Variants in ABCA1 observed in about 807,000 individuals in gnomAD.
ABCA1 encodes phospholipid-transporting ATPase ABCA1.
A neutral mutation model predicts 262.5 loss-of-function variants in ABCA1; 133 were observed. That is an observed-to-expected ratio of 0.51 (90% confidence interval 0.44 to 0.59). The LOEUF is 0.59. Among genes scored for constraint, ABCA1 ranks in the 20% least tolerant of loss-of-function variants. The pLI, the probability that ABCA1 is intolerant of heterozygous loss-of-function variation, is 0.00. For missense variants in ABCA1, 2,452 were observed against 2,777.5 expected, an observed-to-expected ratio of 0.88 and a Z score of 2.63; for synonymous variants, 1,022 against 1,043.5, an observed-to-expected ratio of 0.98 and a Z score of 0.40.
At chr9:104,912,384 G>A (rs1321804388) in intron 1 of ABCA1, among the ~76,000 whole-genome samples, 1 of 152,152 alleles carries the variant, frequency 6.6e-6, no homozygotes, top group African/African-American at 2.4e-5. Flanking sequence ...GGGCTACAGT[G>A]CAAGACCCTG....
chr9:104,915,975 C>G (rs1245263788), intron 1 of ABCA1, among the ~76,000 whole-genome samples: 4 of 152,134 alleles, frequency 2.6e-5, no homozygotes, highest in African/African-American at 7.2e-5. Flanking sequence ...ATGGAAGCCA[C>G]TGGAACCAAG....
At chr9:104,901,245 T>C (rs1840645148) in intron 2 of ABCA1, among the ~76,000 whole-genome samples, 1 of 152,174 alleles carries the variant, frequency 6.6e-6, no homozygotes, top group African/African-American at 2.4e-5. Flanking sequence ...GTCACTGTGA[T>C]GGGACAGAAT....
chr9:104,909,877 AG>A (rs1225569488), intron 1 of ABCA1, among the ~76,000 whole-genome samples: 1 of 152,258 alleles, frequency 6.6e-6, no homozygotes, highest in Non-Finnish European at 1.5e-5. Flanking sequence ...CATAGCCAAA[AG>A]AAAAACAGGA....
chr9:104,804,388 G>A (rs777448605), intron 32 of ABCA1, among the ~76,000 whole-genome samples: 3 of 152,212 alleles, frequency 2.0e-5, no homozygotes, highest in East Asian at 3.8e-4. Context: ...AAAATTTGAC[G>A]TTGAATCCAT....
chr9:104,880,318 T>C (rs1165635008), intron 5 of ABCA1, among the ~76,000 whole-genome samples: 1 of 152,034 alleles, frequency 6.6e-6, no homozygotes, highest in Non-Finnish European at 1.5e-5. Flanking sequence ...CTCTCCGAAA[T>C]TGACAAGAGT....
chr9:104,877,702 C>T (rs1375982336), intron 5 of ABCA1, among the ~76,000 whole-genome samples: 1 of 152,246 alleles, frequency 6.6e-6, no homozygotes, highest in East Asian at 1.9e-4. Flanking sequence ...ATTTAATGCT[C>T]AGTGACCCTC....
intron 5 of ABCA1, among the ~76,000 whole-genome samples, chr9:104,873,880 G>A (rs982246374): frequency 1.3e-5 from 2 of 152,154 alleles, no homozygotes; most frequent in East Asian, 3.9e-4. Context: ...ATTATCCAAG[G>A]TTACACAGCT....
intron 15 of ABCA1, among the ~76,000 whole-genome samples, chr9:104,827,516 G>C (rs1832905626): frequency 6.6e-6 from 1 of 152,192 alleles, no homozygotes; most frequent in African/African-American, 2.4e-5. Context: ...CAGAAGAGCT[G>C]TGGGAGATAA....
intron 14 of ABCA1, among the ~76,000 whole-genome samples, chr9:104,829,645 A>G (rs937613586): frequency 3.3e-5 from 5 of 152,142 alleles, no homozygotes; most frequent in South Asian, 2.1e-4. Context: ...CTTGAGGTTC[A>G]CGTCAAAGCT....
chr9:104,849,641 T>C (rs1239948522), intron 7 of ABCA1, among the ~76,000 whole-genome samples: 1 of 152,224 alleles, frequency 6.6e-6, no homozygotes, highest in East Asian at 1.9e-4. Flanking sequence ...AAAACACACA[T>C]GATTCAAATT....
intron 1 of ABCA1, among the ~76,000 whole-genome samples, chr9:104,905,270 G>C (rs770606548): frequency 6.6e-6 from 1 of 152,170 alleles, no homozygotes; most frequent in Non-Finnish European, 1.5e-5. Flanking sequence ...CGCTAGACTA[G>C]AAATCTGTGA....
rs56710442 is a variant in ABCA1 at position 104,896,711 on chromosome 9, C to CTTTTTTTTT, written c.66+6894_66+6902dup. ...AACTCCAAAATTGCTCCCTACACAT[C>CTTTTTTTTT]TTTTTTTTTTTTTTTTTTTTTTTTT... On this transcript the variant is annotated intron_variant, in intron 2 of 49. Coordinates refer to ENST00000374736, the MANE Select transcript of ABCA1 (RefSeq NM_005502.4). Among the ~76,000 whole-genome samples the CTTTTTTTTT allele has an allele frequency of 3.2e-4, 12 of 37,010 alleles. 2 individuals carry two copies. Among genetic ancestry groups the CTTTTTTTTT allele is most frequent in the African/African-American group, 1.1e-3 (10 of 9,462 alleles). 24.3% of individuals were successfully genotyped at this position (37,010 alleles called of 152,430 possible). A position where few individuals can be genotyped will look rare whatever the true frequency, so the allele number is the denominator to read the frequency against.
intron 2 of ABCA1, among the ~76,000 whole-genome samples, chr9:104,892,140 G>T (rs1056417731): frequency 3.3e-5 from 5 of 151,874 alleles, no homozygotes; most frequent in Admixed American, 6.6e-5. Context: ...AAAAATAAAG[G>T]CAAATGGATC....
intron 28 of ABCA1, among the ~76,000 whole-genome samples, chr9:104,811,508 T>A (rs1344912396): frequency 2.0e-5 from 3 of 152,252 alleles, no homozygotes; most frequent in African/African-American, 7.2e-5. Context: ...TCAGAAAGAA[T>A]AAATATCCAA....
At chr9:104,885,010 C>T (rs550898988) in intron 3 of ABCA1, among the ~76,000 whole-genome samples, 13 of 152,124 alleles carry the variant, frequency 8.5e-5, no homozygotes, top group South Asian at 2.1e-4. Flanking sequence ...CCAAGGTGGG[C>T]GGATCACCTG....
Position 104,871,953 on chromosome 9 carries a change from C to T in ABCA1, c.422-10153G>A, listed in dbSNP as rs148249463. ...CTGAGAAGTCCAGGCACAAAAAGAA[C>T]GGAAAAAGATGAGTTTACAAGTTGG... On this transcript the variant is annotated intron_variant, in intron 5 of 49. Transcript: ENST00000374736. 4.4e-3 allele frequency among the ~76,000 whole-genome samples: 671 copies of T among 152,220 alleles called. 13 individuals carry two copies. Among genetic ancestry groups the T allele is most frequent in the African/African-American group, 0.015 (622 of 41,544 alleles).
intron 1 of ABCA1, among the ~76,000 whole-genome samples, chr9:104,912,935 G>A (rs1334564384): frequency 6.6e-6 from 1 of 152,204 alleles, no homozygotes; most frequent in African/African-American, 2.4e-5. Flanking sequence ...AAGCAGGCAA[G>A]CCTCTATCAG....
At chr9:104,786,843 C>A in intron 47 of ABCA1, 30 bp downstream of exon 47, 1 of 1,572,816 alleles carries the variant, frequency 6.4e-7, no homozygotes, top group South Asian at 1.1e-5. Flanking sequence ...AAACATCCCA[C>A]AGTGAGGAAC....
At chr9:104,869,421 C>T (rs947535671) in intron 5 of ABCA1, among the ~76,000 whole-genome samples, 3 of 152,092 alleles carry the variant, frequency 2.0e-5, no homozygotes, top group African/African-American at 7.2e-5. Flanking sequence ...TGAGCTTGTC[C>T]AGCCTTACAA....
Sources: gnomAD v4.1 joint callset for allele counts (sites outside exome capture counted in the v4.1 genomes callset) on GRCh38, gnomAD v4.1.1 for gene constraint, MANE v1.5 for transcripts, NCBI Gene and HGNC (gene_info 2026-07-23, HGNC 2026-07-21) for gene names.